The following NSUN2 variants were observed in gnomAD, a reference collection of about 807,000 sequenced individuals.
The protein encoded by NSUN2 is NOP2/Sun RNA methyltransferase 2, also known as RNA cytosine C(5)-methyltransferase NSUN2.
A neutral mutation model predicts 92.7 loss-of-function variants in NSUN2; 63 were observed. The ratio of observed to expected loss-of-function variants is 0.68; its 90% CI spans 0.56 to 0.84. The LOEUF is 0.84. Ranked by LOEUF, NSUN2 falls within the 40% of genes least tolerant of loss-of-function variation. The pLI, the probability that NSUN2 is intolerant of heterozygous loss-of-function variation, is 0.00. For missense variants in NSUN2, 989 were observed against 964.9 expected (o/e 1.02, Z -0.33); for synonymous variants, 356 against 348.3 (o/e 1.02, Z -0.25).
At chr5:6,606,323 G>C (rs1041394564) in intron 14 of NSUN2, among the ~76,000 whole-genome samples, 4 of 151,960 alleles carry the variant, frequency 2.6e-5, no homozygotes, top group Non-Finnish European at 5.9e-5. Flanking sequence ...TCGCTCTGTC[G>C]CCCAGGCTGG....
Position 6,605,367 on chromosome 5 carries a change from A to G in NSUN2, c.1643T>C (p.Leu548Ser). The G allele has an allele frequency of 1.2e-6, 2 of 1,614,232 alleles. No individual in the cohort carries two copies. The highest frequency in any genetic ancestry group is 1.7e-6 in the Non-Finnish European group (2 of 1,180,042). Residue 548 changes from leucine (L) to serine (S), a missense_variant, in exon 15 of 19, where the codon TTG becomes TCG. Leu to Ser is a moderately radical substitution (Grantham distance 145, BLOSUM62 -2). Transcript: ENST00000264670. ...CTTCCCTTCTGTAGTCCGAGTTAAC[A>G]AATTCATCCTTGGGAATGAAGGATC... ...ALDPSFPRMN[L>S]LTRTTEGKKR...
intron 18 of NSUN2, among the ~76,000 whole-genome samples, chr5:6,601,700 C>T (rs1394837318): frequency 6.6e-6 from 1 of 152,272 alleles, no homozygotes; most frequent in East Asian, 1.9e-4. Flanking sequence ...AGCACTGGAT[C>T]CCTGGTCCAA....
rs1362336990 is a variant in NSUN2, at chr5:6,599,831, C to T, written c.*95G>A. On this transcript the variant is annotated 3_prime_UTR_variant, in exon 19 of 19. Transcript: ENST00000264670. ...TCATTAGAAATATATGCTTTACAGG[C>T]CACAGGCTGCTCTGGATTTGGTTTC... The T allele has an allele frequency of 9.2e-7, 1 of 1,092,140 alleles. No homozygotes were observed. Among genetic ancestry groups the T allele is most frequent in the East Asian group, 2.4e-5 (1 of 42,432 alleles). 67.7% of individuals were successfully genotyped at this position (1,092,140 alleles called of 1,614,324 possible).
chr5:6,607,099 C>A, intron 13 of NSUN2, 101 bp downstream of exon 13: 1 of 1,211,546 alleles, frequency 8.3e-7, no homozygotes, highest in Admixed American at 1.8e-5. Context: ...ACATGTACTG[C>A]CCCCTCAAAC....
In NSUN2 at chr5:6,604,149, G is replaced by A. The variant is rs1351714861; in HGVS notation, c.1946C>T (p.Ala649Val). 6.2e-7 allele frequency: 1 copy of A among 1,613,532 alleles called. No homozygotes were observed. Among genetic ancestry groups the A allele is most frequent in the Non-Finnish European group, 8.5e-7 (1 of 1,179,800 alleles). ...RKLSSETYSQAKDLAKGSIVL... is the reference protein window; with the variant it reads ...RKLSSETYSQVKDLAKGSIVL... ...TTCCAACTACTCACCCAGGTCCTTTGCTTGACTGTAGGTCTCACTGCTGAG... is the reference window on the plus strand; with the variant it reads ...TTCCAACTACTCACCCAGGTCCTTTACTTGACTGTAGGTCTCACTGCTGAG... Residue 649 changes from alanine (A) to valine (V), a missense_variant, in exon 17 of 19, where the codon GCA (alanine) becomes GTA (valine). This residue lies in a region of NSUN2 where 626 missense variants were observed against 602.3 expected (regional missense o/e 1.04). Coordinates refer to ENST00000264670, the MANE Select transcript of NSUN2 (RefSeq NM_017755.6).
intron 6 of NSUN2, 77 bp from the exon 7 acceptor site, chr5:6,620,375 G>A (rs1168635100): frequency 1.7e-6 from 2 of 1,149,738 alleles, no homozygotes; most frequent in East Asian, 5.5e-5. Context: ...GACCTCCAAA[G>A]GTCAGCCAGT....
intron 6 of NSUN2, 50 bp downstream of exon 6, chr5:6,621,966 A>G (rs750949223): frequency 1.4e-6 from 2 of 1,481,210 alleles, no homozygotes; most frequent in Non-Finnish European, 1.9e-6. Context: ...CTTGTCTACA[A>G]TCTGCCAAAG....
chr5:6,608,032 C>T (rs1487223545), intron 12 of NSUN2, among the ~76,000 whole-genome samples: 1 of 152,174 alleles, frequency 6.6e-6, no homozygotes, highest in African/African-American at 2.4e-5. Flanking sequence ...GTCGTAATTC[C>T]TCAGTCCCTA....
At chr5:6,604,969 T>C (rs1261863848) in intron 15 of NSUN2, 2 of 593,320 alleles carry the variant, frequency 3.4e-6, no homozygotes, top group Non-Finnish European at 3.0e-6. Flanking sequence ...ACTCGCAGCC[T>C]CTACACCTTT....
At chr5:6,613,055 T>C (rs1400765531) in intron 9 of NSUN2, among the ~76,000 whole-genome samples, 1 of 152,192 alleles carries the variant, frequency 6.6e-6, no homozygotes, top group Non-Finnish European at 1.5e-5. Flanking sequence ...GCATCTACAA[T>C]ACGGTCTGAA....
chr5:6,621,360 T>C (rs1035109577), intron 6 of NSUN2: 4 of 151,956 alleles, frequency 2.6e-5, no homozygotes, highest in Admixed American at 1.3e-4. Context: ...ATAATAATAA[T>C]AGTAATAATA....
Position 6,606,999 on chromosome 5 carries a change from T to C in NSUN2, c.1509-87A>G, listed in dbSNP as rs1308220932. The C allele has an allele frequency of 4.1e-6, 4 of 972,434 alleles. No individual in the cohort carries two copies. In the African/African-American group the frequency reaches 8.6e-5, roughly 21 times the overall value. The allele number at this position is 972,434 out of a possible 1,614,324, so 60.2% of individuals were successfully genotyped here. On this transcript the variant is annotated intron_variant, in intron 13 of 18. Transcript: ENST00000264670. ...AAGCACATTCTTCCTTTCTGTCAGTTCTGTGCAACATGGAACGGTTTGCGG... is the reference window on the plus strand; with the variant it reads ...AAGCACATTCTTCCTTTCTGTCAGTCCTGTGCAACATGGAACGGTTTGCGG...
chr5:6,610,278 T>C (rs7717596), intron 11 of NSUN2, among the ~76,000 whole-genome samples: 102,471 of 151,626 alleles, frequency 0.68, 34,787 homozygotes, highest in Middle Eastern at 0.75. Flanking sequence ...GGTCTTGCCA[T>C]GTCGTCCAGG....
chr5:6,614,312 C>T (rs970986660), intron 9 of NSUN2, among the ~76,000 whole-genome samples: 3 of 152,086 alleles, frequency 2.0e-5, no homozygotes, highest in South Asian at 2.1e-4. Context: ...GGTTTCAGAC[C>T]GGATGAAGAC....
chr5:6,617,167 C>T (rs761256490), intron 8 of NSUN2, among the ~76,000 whole-genome samples: 1 of 152,158 alleles, frequency 6.6e-6, no homozygotes, highest in Non-Finnish European at 1.5e-5. Flanking sequence ...TAAAAAACCT[C>T]CATACTTCCT....
At chr5:6,624,948 A>G (rs1441430157) in intron 4 of NSUN2, among the ~76,000 whole-genome samples, 1 of 152,188 alleles carries the variant, frequency 6.6e-6, no homozygotes, top group Non-Finnish European at 1.5e-5. Flanking sequence ...CTCTGATGCT[A>G]AAGGTAAAAA....
At position 6,599,795 on chromosome 5, in the gene NSUN2, C is replaced by T. The variant is rs1736465653; in HGVS notation, c.*131G>A. 1.3e-6 allele frequency: 1 copy of T among 758,954 alleles called. No homozygotes were observed. The highest frequency in any genetic ancestry group is 2.2e-6 in the Non-Finnish European group (1 of 455,650). The allele number at this position is 758,954 out of a possible 1,614,324, so 47.0% of individuals were successfully genotyped here. A position where few individuals can be genotyped will look rare whatever the true frequency, so the allele number is the denominator to read the frequency against. ...CATTCAGAAGGCTCCTATGATCCCA[C>T]CAGTCTGCAGTCATTAGAAATATAT... is the stretch of plus-strand genomic sequence containing the variant. On this transcript the variant is annotated 3_prime_UTR_variant, in exon 19 of 19. Coordinates refer to ENST00000264670, the MANE Select transcript of NSUN2 (RefSeq NM_017755.6).
chr5:6,612,032 G>C (rs764701233), intron 9 of NSUN2, among the ~76,000 whole-genome samples: 10 of 152,212 alleles, frequency 6.6e-5, no homozygotes, highest in Admixed American at 2.6e-4. Flanking sequence ...AGGTCTGCTA[G>C]GGTGACGGGA....
chr5:6,609,954 A>G, intron 11 of NSUN2, 32 bp from the exon 12 acceptor site: 1 of 1,412,204 alleles, frequency 7.1e-7, no homozygotes, highest in Non-Finnish European at 9.8e-7. Flanking sequence ...ACACCTCTGA[A>G]CTAATCAAAA....
Sources: allele counts gnomAD v4.1 joint callset (sites outside exome capture counted in the v4.1 genomes callset), GRCh38; gene constraint gnomAD v4.1.1; regional missense constraint gnomAD v4.1.1; transcripts MANE v1.5; gene names NCBI Gene and HGNC (gene_info 2026-07-23, HGNC 2026-07-21).